NLK: variants seen among roughly 807,000 people sequenced by gnomAD.
NLK encodes serine/threonine-protein kinase NLK.
A neutral mutation model predicts 59.0 loss-of-function variants in NLK; 11 were observed. The observed-to-expected ratio is 0.19, with a 90% CI of 0.12 to 0.31. NLK has a LOEUF of 0.31. Ranked by LOEUF, NLK falls within the 10% of genes least tolerant of loss-of-function variation. NLK has a pLI of 1.00. For missense variants in NLK, 410 were observed against 661.1 expected (o/e 0.62, Z 4.16); for synonymous variants, 235 against 235.9 (o/e 1.00, Z 0.03).
chr17:28,174,661 A>G (rs1908602088), intron 7 of NLK, among the ~76,000 whole-genome samples: 1 of 152,238 alleles, frequency 6.6e-6, no homozygotes, highest in South Asian at 2.1e-4. Context: ...TTGAATGTAA[A>G]TAAACCTAGC....
intron 1 of NLK, among the ~76,000 whole-genome samples, chr17:28,094,271 A>C (rs1315349230): frequency 6.6e-6 from 1 of 152,192 alleles, no homozygotes; most frequent in Non-Finnish European, 1.5e-5. Flanking sequence ...AACAAAACCA[A>C]ATTACCCACG....
chr17:28,058,971 C>G (rs1485727038), intron 1 of NLK, among the ~76,000 whole-genome samples: 1 of 151,986 alleles, frequency 6.6e-6, no homozygotes, highest in Non-Finnish European at 1.5e-5. Context: ...ACTGAAAATA[C>G]AAAAATTAGC....
At position 28,067,837 on chromosome 17, in the gene NLK, AATAT is replaced by A. The variant is rs111252386; in HGVS notation, c.458+24523_458+24526del. On this transcript the variant is annotated intron_variant, in intron 1 of 10. Transcript: ENST00000407008. ...CCAAACTGTAGGTAGACCTTCTTAA[AATAT>A]ATATATATATATATATGGTCTGGGC... 6.7e-3 allele frequency among the ~76,000 whole-genome samples: 985 copies of A among 146,422 alleles called. 15 individuals are homozygous for A. The highest frequency in any genetic ancestry group is 0.023 in the African/African-American group (913 of 40,204).
At chr17:28,086,940 C>G (rs1910539229) in intron 1 of NLK, among the ~76,000 whole-genome samples, 1 of 151,462 alleles carries the variant, frequency 6.6e-6, no homozygotes, top group Non-Finnish European at 1.5e-5. Context: ...CCCAGCTACT[C>G]TGGAGGCTGA....
chr17:28,203,530 T>C, the NLK span, among the ~76,000 whole-genome samples: 1 of 151,948 alleles, frequency 6.6e-6, no homozygotes, highest in Admixed American at 6.6e-5. Context: ...CCCCTGTTGA[T>C]CTTTCTTTCT....
Position 28,181,193 on chromosome 17 carries a change from G to A in NLK, c.1150-3986G>A, listed in dbSNP as rs140220621. 8.7e-3 allele frequency among the ~76,000 whole-genome samples: 1,326 copies of A among 152,232 alleles called. 18 individuals are homozygous for A. Among genetic ancestry groups the A allele is most frequent in the African/African-American group, 0.03 (1,251 of 41,532 alleles). On this transcript the variant is annotated intron_variant, in intron 7 of 10. Coordinates refer to ENST00000407008, the MANE Select transcript of NLK (RefSeq NM_016231.5). ...GCAGGCAGATTGCCTGAGCTCGGGA[G>A]TTCGAAACCAGCCTGGGCAACATGG...
intron 1 of NLK, among the ~76,000 whole-genome samples, chr17:28,076,011 C>CT (rs921495676): frequency 2.6e-5 from 4 of 152,022 alleles, no homozygotes; most frequent in African/African-American, 7.2e-5. Flanking sequence ...TTTTGTTGTC[C>CT]TTTTTTTGTA....
chr17:28,118,759 A>G (rs968166794), intron 1 of NLK, among the ~76,000 whole-genome samples: 3 of 152,236 alleles, frequency 2.0e-5, no homozygotes, highest in South Asian at 4.1e-4. Context: ...TTTAAAAAAC[A>G]GTTGAATTTA....
chr17:28,067,611 TA>T (rs960792199), intron 1 of NLK, among the ~76,000 whole-genome samples: 13 of 151,084 alleles, frequency 8.6e-5, no homozygotes, highest in Admixed American at 8.6e-4. Flanking sequence ...ATTCAATATA[TA>T]AAAAAACTGG....
chr17:28,139,885 G>A (rs184222965), intron 3 of NLK, among the ~76,000 whole-genome samples: 4 of 152,312 alleles, frequency 2.6e-5, no homozygotes, highest in Non-Finnish European at 5.9e-5. Context: ...GAGATGAGCT[G>A]TAAAGGGATA....
intron 2 of NLK, among the ~76,000 whole-genome samples, chr17:28,126,250 T>C (rs957007189): frequency 1.3e-5 from 2 of 152,166 alleles, no homozygotes; most frequent in African/African-American, 2.4e-5. Flanking sequence ...TATTCAAAGA[T>C]TCCCTGGAGA....
Position 28,137,859 on chromosome 17 carries a change from A to G in NLK, c.644+5184A>G, listed in dbSNP as rs147941774. 4.5e-4 allele frequency among the ~76,000 whole-genome samples: 69 copies of G among 152,268 alleles called. No individual in the cohort carries two copies. The East Asian group carries it at 0.013, about 29-fold the overall frequency. ...AGATGTGAAAGGAGCAATAAATTCT[A>G]TCATGACCTCTGTATCTTTTAACTT... On this transcript the variant is annotated intron_variant, in intron 3 of 10. Coordinates refer to ENST00000407008, the MANE Select transcript of NLK (RefSeq NM_016231.5).
rs373668305 is a variant in NLK at position 28,107,449 on chromosome 17, AAAG to A, written c.459-15151_459-15149del. ...AACTCTGTCTCAAAAAAAAAAAAGA[AAAG>A]AAATAAATACTAAACACTGAAGTAA... On this transcript the variant is annotated intron_variant, in intron 1 of 10. Transcript: ENST00000407008. Among the ~76,000 whole-genome samples the A allele has an allele frequency of 6.5e-3, 982 of 152,142 alleles. 15 individuals are homozygous for A. Among genetic ancestry groups the A allele is most frequent in the African/African-American group, 0.022 (916 of 41,516 alleles).
At chr17:28,168,693 A>G (rs752546434) in intron 6 of NLK, 36 bp downstream of exon 6, 7 of 1,521,668 alleles carry the variant, frequency 4.6e-6, no homozygotes, top group African/African-American at 2.7e-5. Flanking sequence ...TTGCAATTCT[A>G]TTGCAGATTT....
intron 1 of NLK, among the ~76,000 whole-genome samples, chr17:28,077,175 G>C (rs1322525982): frequency 7.3e-6 from 1 of 137,658 alleles, no homozygotes; most frequent in East Asian, 2.2e-4. Flanking sequence ...TTTGCCACCT[G>C]TATTAGTCCG....
At chr17:28,197,468 C>CAA (rs1158938151), downstream of NLK, among the ~76,000 whole-genome samples, 50 of 84,588 alleles carry the variant, frequency 5.9e-4, no homozygotes, top group Non-Finnish European at 6.8e-4. Flanking sequence ...GATTCTGTCT[C>CAA]AAAAAAAAAA....
intron 3 of NLK, among the ~76,000 whole-genome samples, chr17:28,134,692 G>A (rs1427531318): frequency 6.6e-6 from 1 of 152,200 alleles, no homozygotes; most frequent in East Asian, 1.9e-4. Flanking sequence ...CTTTTGTGCA[G>A]TGAAGGGTTA....
At chr17:28,171,653 T>A (rs1349071320) in intron 6 of NLK, among the ~76,000 whole-genome samples, 1 of 152,188 alleles carries the variant, frequency 6.6e-6, no homozygotes, top group East Asian at 1.9e-4. Flanking sequence ...GTGTGAATAT[T>A]TTCAGTATTT....
intron 1 of NLK, among the ~76,000 whole-genome samples, chr17:28,094,375 A>G (rs1339788984): frequency 6.6e-6 from 1 of 152,202 alleles, no homozygotes; most frequent in African/African-American, 2.4e-5. Context: ...TACACCTTTG[A>G]AATTACTGCC....
Sources: gnomAD v4.1 joint callset for allele counts (sites outside exome capture counted in the v4.1 genomes callset) on GRCh38, gnomAD v4.1.1 for gene constraint, MANE v1.5 for transcripts, NCBI Gene and HGNC (gene_info 2026-07-23, HGNC 2026-07-21) for gene names.